Variants in TGFBR3 observed in about 807,000 individuals in gnomAD.
TGFBR3 encodes the protein transforming growth factor beta receptor 3.
Under a neutral mutation model 87.9 loss-of-function variants are expected in TGFBR3, and 46 were observed. The observed-to-expected ratio is 0.52, with a 90% CI of 0.41 to 0.67. TGFBR3 has a LOEUF of 0.67. Among genes scored for constraint, TGFBR3 ranks in the 30% least tolerant of loss-of-function variants. The pLI, the probability that TGFBR3 is intolerant of heterozygous loss-of-function variation, is 0.00. For missense variants in TGFBR3, 866 were observed against 1,041.9 expected (o/e 0.83, Z 2.32); for synonymous variants, 381 against 391.6 (o/e 0.97, Z 0.32).
chr1:91,838,837 T>C (rs1220621359), intron 2 of TGFBR3, among the ~76,000 whole-genome samples: 1 of 152,220 alleles, frequency 6.6e-6, no homozygotes, highest in Middle Eastern at 3.2e-3. Context: ...TCTGGCTTAA[T>C]ACAAGACCAC....
chr1:91,791,354 C>T (rs1368709764), intron 3 of TGFBR3, among the ~76,000 whole-genome samples: 3 of 152,080 alleles, frequency 2.0e-5, no homozygotes, highest in Admixed American at 6.6e-5. Flanking sequence ...TTAGCAGCCA[C>T]ATAGAGCACA....
At chr1:91,780,135 C>G (rs1485811251) in intron 3 of TGFBR3, among the ~76,000 whole-genome samples, 1 of 152,200 alleles carries the variant, frequency 6.6e-6, no homozygotes, top group Non-Finnish European at 1.5e-5. Context: ...TTAATCACAC[C>G]TGCTAAGGCT....
Position 91,861,502 on chromosome 1 carries a change from A to G in TGFBR3, c.30T>C (p.Phe10=). The change falls in exon 2 of 17, where the codon TTT becomes TTC. Residue 10 remains phenylalanine, a synonymous_variant. Transcript: ENST00000212355. MTSHYVIAI[F]ALMSSCLATA... is the part of the protein sequence containing the mutation. ...TGGCTAAACAGGAGCTCATCAGGGC[A>G]AAGATGGCAATCACATAATGGGAAG... 6.2e-7 allele frequency: 1 copy of G among 1,613,976 alleles called. No homozygotes were observed. The highest frequency in any genetic ancestry group is 8.5e-7 in the Non-Finnish European group (1 of 1,179,842).
intron 4 of TGFBR3, among the ~76,000 whole-genome samples, chr1:91,749,863 C>T (rs756610006): frequency 4.7e-4 from 72 of 152,110 alleles, no homozygotes; most frequent in Non-Finnish European, 9.1e-4. Flanking sequence ...CTTTTTCTAC[C>T]GAACAGCTCT....
chr1:91,773,121 G>A (rs1487790643), intron 3 of TGFBR3, among the ~76,000 whole-genome samples: 2 of 152,174 alleles, frequency 1.3e-5, no homozygotes, highest in African/African-American at 4.8e-5. Flanking sequence ...GCTCAGGCCT[G>A]TAATCCCAGC....
chr1:91,896,075 CAT>C (rs1310419027), intron 2 of TGFBR3, among the ~76,000 whole-genome samples: 1 of 152,136 alleles, frequency 6.6e-6, no homozygotes, highest in Non-Finnish European at 1.5e-5. Context: ...CACTAACAAA[CAT>C]ATACACACAC....
At position 91,857,557 on chromosome 1, in the gene TGFBR3, G is replaced by A. The variant is rs78203305; in HGVS notation, c.61+3914C>T. On this transcript the variant is annotated intron_variant, in intron 2 of 16. Transcript: ENST00000212355. ...CCTCGTGACCCCTCTGAGGTCTTTG[G>A]GTTTTACTTGGCTTTCACTACACAT... 8.4e-3 allele frequency among the ~76,000 whole-genome samples: 1,277 copies of A among 152,168 alleles called. 15 individuals carry two copies. Among genetic ancestry groups the A allele is most frequent in the African/African-American group, 0.029 (1,216 of 41,496 alleles).
intron 13 of TGFBR3, among the ~76,000 whole-genome samples, chr1:91,710,022 G>A (rs1255265607): frequency 6.6e-6 from 1 of 152,198 alleles, no homozygotes; most frequent in Non-Finnish European, 1.5e-5. Context: ...AAAGTGCTAG[G>A]ATGACAGGCA....
At chr1:91,687,887 G>T in intron 16 of TGFBR3, among the ~76,000 whole-genome samples, 1 of 152,150 alleles carries the variant, frequency 6.6e-6, no homozygotes, top group East Asian at 1.9e-4. Context: ...ATGCTAGAAA[G>T]AAAATAAAGA....
intron 2 of TGFBR3, among the ~76,000 whole-genome samples, chr1:91,837,220 T>C (rs1677096379): frequency 8.6e-6 from 1 of 115,958 alleles, no homozygotes; most frequent in Admixed American, 8.8e-5. Context: ...TAAGTAAGGA[T>C]ATTATTTATT....
intron 2 of TGFBR3, among the ~76,000 whole-genome samples, chr1:91,846,184 G>A (rs1429612107): frequency 2.6e-5 from 4 of 152,166 alleles, no homozygotes; most frequent in Non-Finnish European, 4.4e-5. Flanking sequence ...CAATTGAGCC[G>A]GGTAAGGTCC....
intron 2 of TGFBR3, among the ~76,000 whole-genome samples, chr1:91,894,719 A>T (rs1391248160): frequency 6.6e-6 from 1 of 152,132 alleles, no homozygotes; most frequent in East Asian, 1.9e-4. Flanking sequence ...TGCTCCCAGG[A>T]TCTAAATGTT....
chr1:91,736,956 G>C (rs1256441814), intron 4 of TGFBR3, among the ~76,000 whole-genome samples: 2 of 152,192 alleles, frequency 1.3e-5, no homozygotes, highest in African/African-American at 4.8e-5. Context: ...CATTCCAGAG[G>C]CAAGAAAGCA....
rs143628683 is a variant in TGFBR3, at chr1:91,816,712, A to G, written c.62-19241T>C. Among the ~76,000 whole-genome samples the G allele has an allele frequency of 1.0e-3, 158 of 152,384 alleles. 1 individual carries two copies. The highest frequency in any genetic ancestry group is 3.5e-3 in the African/African-American group (145 of 41,598). On this transcript the variant is annotated intron_variant, in intron 2 of 16. Coordinates refer to ENST00000212355, the MANE Select transcript of TGFBR3 (RefSeq NM_003243.5). Reference sequence around the variant, plus strand: ...CTCATGCAATAACTGTTAATATTCAAGTATAATTTTACCTAGCAGTAAAGT... The same window carrying G: ...CTCATGCAATAACTGTTAATATTCAGGTATAATTTTACCTAGCAGTAAAGT...
In TGFBR3 at chr1:91,758,676, T is replaced by G. The variant is rs202175419; in HGVS notation, c.321A>C (p.Pro107=). 2.8e-5 allele frequency: 45 copies of G among 1,613,788 alleles called. No homozygotes were observed. The East Asian group carries it at 9.4e-4, about 34-fold the overall frequency. The stretch of plus-strand genomic sequence containing the variant: ...TCTTCAGATGCCACACCAGGGGGTG[T>G]GGGGAGTTGAGCAGGAACACAACAG... ...HKSVVFLLNS[P]HPLVWHLKTE... Residue 107 remains proline, a synonymous_variant, in exon 4 of 17, where the codon CCA becomes CCC. Coordinates refer to ENST00000212355, the MANE Select transcript of TGFBR3 (RefSeq NM_003243.5).
At chr1:91,879,155 G>T (rs1353950209) in intron 1 of TGFBR3, among the ~76,000 whole-genome samples, 1 of 151,860 alleles carries the variant, frequency 6.6e-6, no homozygotes, top group Non-Finnish European at 1.5e-5. Flanking sequence ...TGTAATCCCA[G>T]TTACTTGGGA....
Position 91,797,365 on chromosome 1 carries a change from G to A in TGFBR3, c.168C>T (p.Gly56=). The change falls in exon 3 of 17, where the codon GGC becomes GGT. Residue 56 remains glycine, a synonymous_variant. Transcript: ENST00000212355. ...GCACCTCCTGTGGCAGCCCAGTTGT[G>A]CCTCTGCTGGCACAGCCTGACAAAA... ...FTVLSGCASR[G]TTGLPQEVHV... 2 of 1,614,226 alleles carry A rather than the reference G, an allele frequency of 1.2e-6. No individual in the cohort carries two copies. The highest frequency in any genetic ancestry group is 1.7e-6 in the Non-Finnish European group (2 of 1,180,046).
intron 2 of TGFBR3, among the ~76,000 whole-genome samples, chr1:91,843,157 G>C (rs924620544): frequency 6.6e-6 from 1 of 152,140 alleles, no homozygotes; most frequent in Non-Finnish European, 1.5e-5. Context: ...CATGTGTTAC[G>C]GACTGAATGT....
chr1:91,709,471 A>AT (rs1181818618), intron 13 of TGFBR3, among the ~76,000 whole-genome samples: 1 of 152,204 alleles, frequency 6.6e-6, no homozygotes, highest in African/African-American at 2.4e-5. Flanking sequence ...AAGGTGACAG[A>AT]TTTTACATTT....
Sources: allele counts gnomAD v4.1 joint callset (sites outside exome capture counted in the v4.1 genomes callset), GRCh38; gene constraint gnomAD v4.1.1; transcripts MANE v1.5; gene names NCBI Gene and HGNC (gene_info 2026-07-23, HGNC 2026-07-21).